MYOC: variants seen among roughly 807,000 people sequenced by gnomAD.
The protein encoded by MYOC is juvenile-onset open-angle glaucoma 1.
Under a neutral mutation model 28.2 loss-of-function variants are expected in MYOC, and 29 were observed. That is an observed-to-expected ratio of 1.03 (90% CI 0.77 to 1.40). The LOEUF (loss-of-function observed/expected upper bound fraction) is 1.40. Among genes scored for constraint, MYOC ranks in the 40% most tolerant of loss-of-function variants. MYOC has a pLI of 0.00. For missense variants in MYOC, 569 were observed against 620.6 expected (o/e 0.92, Z 0.88); for synonymous variants, 240 against 245.6 (o/e 0.98, Z 0.21).
intron 1 of MYOC, among the ~76,000 whole-genome samples, chr1:171,650,664 C>T (rs1037584218): frequency 6.6e-6 from 1 of 152,108 alleles, no homozygotes; most frequent in Non-Finnish European, 1.5e-5. Flanking sequence ...ACGTAGAAGG[C>T]TCTTTTTAGG....
At chr1:171,648,748 C>T (rs372913762) in intron 1 of MYOC, among the ~76,000 whole-genome samples, 14 of 148,424 alleles carry the variant, frequency 9.4e-5, no homozygotes, top group Admixed American at 6.1e-4. Context: ...AGTGCAGTAG[C>T]GTGATCTTGG....
intron 1 of MYOC, among the ~76,000 whole-genome samples, chr1:171,640,004 C>T (rs995249582): frequency 7.2e-6 from 1 of 138,054 alleles, no homozygotes; most frequent in African/African-American, 2.7e-5. Flanking sequence ...AATCCCAGCA[C>T]TTTGGGAGGC....
At chr1:171,645,384 C>T (rs1653176210) in intron 1 of MYOC, among the ~76,000 whole-genome samples, 1 of 152,146 alleles carries the variant, frequency 6.6e-6, no homozygotes, top group African/African-American at 2.4e-5. Context: ...GCAGGTTGCC[C>T]TCCTCACCTG....
At chr1:171,639,468 A>G (rs1020087300) in intron 1 of MYOC, among the ~76,000 whole-genome samples, 3 of 152,024 alleles carry the variant, frequency 2.0e-5, no homozygotes, top group African/African-American at 7.3e-5. Context: ...AGATGTCTGA[A>G]TTTCAATAAT....
In MYOC at chr1:171,636,452, A is replaced by ACACCACAGCACCCGTGCTTTC. The variant is rs762876843; in HGVS notation, c.967_987dup (p.Glu323_Val329dup). 6.2e-7 allele frequency: 1 copy of ACACCACAGCACCCGTGCTTTC among 1,614,134 alleles called. No homozygotes were observed. The highest frequency in any genetic ancestry group is 2.2e-5 in the East Asian group (1 of 44,884). On this transcript the variant is annotated inframe_insertion, in exon 3 of 3. Transcript: ENST00000037502. Reference sequence around the variant, plus strand: ...CCCTGGAAATAGAGGCTCCCCGAGTACACCACAGCACCCGTGCTTTCCAGT... The same window carrying ACACCACAGCACCCGTGCTTTC: ...CCCTGGAAATAGAGGCTCCCCGAGTACACCACAGCACCCGTGCTTTCCACCACAGCACCCGTGCTTTCCAGT...
At chr1:171,639,538 G>T (rs1653021560) in intron 1 of MYOC, among the ~76,000 whole-genome samples, 1 of 151,642 alleles carries the variant, frequency 6.6e-6, no homozygotes, top group East Asian at 1.9e-4. Flanking sequence ...CTAGGTACTT[G>T]GGAGGCTGAT....
In MYOC at chr1:171,639,946, GAAAAAA is replaced by G. The variant is rs1175117891; in HGVS notation, c.605-1230_605-1225del. Reference sequence around the variant, plus strand: ...GCAACAGAGCAAGACTCTGTCTCAAGAAAAAAAAAAAAAAAAAAAAAAAAAAAGAAG... The same window carrying G: ...GCAACAGAGCAAGACTCTGTCTCAAGAAAAAAAAAAAAAAAAAAAAAGAAG... On this transcript the variant is annotated intron_variant, in intron 1 of 2. Transcript: ENST00000037502. Among the ~76,000 whole-genome samples the G allele has an allele frequency of 4.5e-3, 213 of 46,962 alleles. 1 individual carries two copies. Among genetic ancestry groups the G allele is most frequent in the African/African-American group, 0.019 (200 of 10,592 alleles). The allele number at this position is 46,962 out of a possible 152,430, so 30.8% of individuals were successfully genotyped here.
At chr1:171,648,954 T>A (rs922587515) in intron 1 of MYOC, among the ~76,000 whole-genome samples, 20 of 151,188 alleles carry the variant, frequency 1.3e-4, no homozygotes, top group Non-Finnish European at 2.8e-4. Context: ...CCCAAAGTGC[T>A]AAGGTTACAG....
At chr1:171,639,796 C>T (rs1197218728) in intron 1 of MYOC, among the ~76,000 whole-genome samples, 1 of 149,292 alleles carries the variant, frequency 6.7e-6, no homozygotes, top group African/African-American at 2.5e-5. Context: ...ACTAGAAATA[C>T]AAGAATTAGC....
intron 1 of MYOC, among the ~76,000 whole-genome samples, chr1:171,651,736 G>A (rs750819601): frequency 3.3e-5 from 5 of 152,098 alleles, no homozygotes; most frequent in Admixed American, 6.5e-5. Context: ...CATCTCACCC[G>A]GTCCTTTTAT....
chr1:171,636,571 G>C lies in MYOC; in HGVS notation c.869C>G (p.Thr290Arg), dbSNP rs1558085980. 2 of 1,610,896 alleles carry C rather than the reference G, an allele frequency of 1.2e-6. No individual in the cohort carries two copies. The highest frequency in any genetic ancestry group is 1.1e-5 in the South Asian group (1 of 90,902). The change falls in exon 3 of 3, where the codon ACA (threonine) becomes AGA (arginine). Residue 290 changes from threonine to arginine, a missense_variant. Physicochemically the swap from Thr to Arg is moderately conservative, Grantham distance 71 (BLOSUM62 -1). Transcript: ENST00000037502. ...YTQETTWRID[T>R]VGTDVRQVFE... ...AACCTGGCGGACATCCGTGCCAACT[G>C]TGTCGATTCTCCACGTGGTCTCCTG...
In MYOC at chr1:171,636,299, A is replaced by G; in HGVS notation, c.1141T>C (p.Leu381=). 2 of 1,614,060 alleles carry G rather than the reference A, an allele frequency of 1.2e-6. No homozygotes were observed. The stretch of plus-strand genomic sequence containing the variant: ...CAGAGGCCTGCTTCATCCACAGCCA[A>G]GTCAATGTCCGTGTAGCCACCCCAA... ...YSWGGYTDID[L]AVDEAGLWVI... Residue 381 remains leucine, a synonymous_variant, in exon 3 of 3, where the codon TTG becomes CTG. Transcript: ENST00000037502.
chr1:171,636,858 G>T (rs770404455), intron 2 of MYOC, 149 bp from the exon 3 acceptor site: 2 of 834,536 alleles, frequency 2.4e-6, no homozygotes, highest in African/African-American at 1.7e-5. Context: ...TCTACCACCC[G>T]CTGGCTGTGT....
At chr1:171,650,599 C>G (rs977559394) in intron 1 of MYOC, among the ~76,000 whole-genome samples, 1 of 152,158 alleles carries the variant, frequency 6.6e-6, no homozygotes, top group Non-Finnish European at 1.5e-5. Flanking sequence ...AAGGTCATCC[C>G]CAGGCTCTGG....
rs776116208 is a variant in MYOC at position 171,652,205 on chromosome 1, C to G, written c.407G>C (p.Arg136Thr). ...RERDQLETQT[R>T]ELETAYSNLL... ...GTTGCTGTAGGCAGTCTCCAACTCT[C>G]TGGTTTGGGTTTCCAGCTGGTCCCG... is the stretch of plus-strand genomic sequence containing the variant. The change falls in exon 1 of 3, where the codon AGA (arginine) becomes ACA (threonine). Residue 136 changes from arginine (R) to threonine (T), a missense_variant. By Grantham distance (71) the Arg-to-Thr change is moderately conservative. Coordinates refer to ENST00000037502, the MANE Select transcript of MYOC (RefSeq NM_000261.2). The G allele has an allele frequency of 8.1e-6, 13 of 1,614,166 alleles. No homozygotes were observed. Among genetic ancestry groups the G allele is most frequent in the Non-Finnish European group, 1.0e-5 (12 of 1,180,030 alleles).
In MYOC at chr1:171,635,815, A is replaced by G; in HGVS notation, c.*110T>C. On this transcript the variant is annotated 3_prime_UTR_variant, in exon 3 of 3. Transcript: ENST00000037502. ...CCTTCTGGATTAATGAAAACTTGGAAAGCAGTCAAAGCTGCCTGGGCCCTG... is the reference window on the plus strand; with the variant it reads ...CCTTCTGGATTAATGAAAACTTGGAGAGCAGTCAAAGCTGCCTGGGCCCTG... 1 of 1,122,352 alleles carries G rather than the reference A, an allele frequency of 8.9e-7. No individual in the cohort carries two copies. 69.5% of individuals were successfully genotyped at this position (1,122,352 alleles called of 1,614,324 possible). A position where few individuals can be genotyped will look rare whatever the true frequency, so the allele number is the denominator to read the frequency against.
At chr1:171,649,837 C>G (rs1653311875) in intron 1 of MYOC, among the ~76,000 whole-genome samples, 1 of 152,120 alleles carries the variant, frequency 6.6e-6, no homozygotes, top group Non-Finnish European at 1.5e-5. Flanking sequence ...GAGGAAGAGG[C>G]CAGAATTCGA....
chr1:171,650,878 C>T (rs1653335786), intron 1 of MYOC, among the ~76,000 whole-genome samples: 1 of 152,154 alleles, frequency 6.6e-6, no homozygotes, highest in African/African-American at 2.4e-5. Flanking sequence ...TTGCAGACAT[C>T]CTGACGCCTC....
intron 1 of MYOC, among the ~76,000 whole-genome samples, chr1:171,643,713 C>G (rs774689480): frequency 6.6e-6 from 1 of 152,104 alleles, no homozygotes; most frequent in Non-Finnish European, 1.5e-5. Context: ...TGGCTCACGC[C>G]TGTAATTCCA....
Sources: gnomAD v4.1 joint callset for allele counts (sites outside exome capture counted in the v4.1 genomes callset) on GRCh38, gnomAD v4.1.1 for gene constraint, MANE v1.5 for transcripts, NCBI Gene and HGNC (gene_info 2026-07-23, HGNC 2026-07-21) for gene names.